Variants in GRIK1 observed in about 807,000 individuals in gnomAD.
GRIK1 encodes the protein glutamate receptor ionotropic, kainate 1.
A neutral mutation model predicts 105.7 loss-of-function variants in GRIK1; 69 were observed. The observed-to-expected ratio is 0.65, with a 90% CI of 0.54 to 0.80. The LOEUF is 0.80. Ranked by LOEUF, GRIK1 falls within the 30% of genes least tolerant of loss-of-function variation. The probability of loss-of-function intolerance (pLI) is 0.00; values close to 1 mark genes in which losing one functional copy is unlikely to be tolerated. For synonymous variants in GRIK1, 438 were observed against 431.3 expected (o/e 1.02, Z -0.19); for missense variants, 1,109 against 1,167.3 (o/e 0.95, Z 0.73).
intron 1 of GRIK1, among the ~76,000 whole-genome samples, chr21:29,697,614 GAGATGT>G (rs1028864552): frequency 2.0e-5 from 3 of 152,126 alleles, no homozygotes; most frequent in Non-Finnish European, 2.9e-5. Context: ...TAGAAAGCTG[GAGATGT>G]ACCAAAAAAG....
In GRIK1 at chr21:29,591,086, C is replaced by A. The variant is rs753846260; in HGVS notation, c.1365+26G>T. 203 of 1,219,916 alleles carry A rather than the reference C, an allele frequency of 1.7e-4. 14 individuals carry two copies. Among genetic ancestry groups the A allele is most frequent in the Middle Eastern group, 5.6e-4 (3 of 5,316 alleles). 75.6% of individuals were successfully genotyped at this position (1,219,916 alleles called of 1,614,324 possible). ...CTAAGGCAGGAGCCTGGATAAGACA[C>A]CCTCAATTCCATGAAGTCAACTTAC... On this transcript the variant is annotated intron_variant, in intron 10 of 17. Coordinates refer to ENST00000327783, the MANE Select transcript of GRIK1 (RefSeq NM_001330994.2).
intron 13 of GRIK1, among the ~76,000 whole-genome samples, chr21:29,579,224 CAATT>C (rs2090962432): frequency 6.6e-6 from 1 of 152,178 alleles, no homozygotes; most frequent in Non-Finnish European, 1.5e-5. Flanking sequence ...TAGATGGCAT[CAATT>C]AGACTTCTCA....
chr21:29,714,076 C>T (rs938757767), intron 1 of GRIK1, among the ~76,000 whole-genome samples: 2 of 152,126 alleles, frequency 1.3e-5, no homozygotes, highest in African/African-American at 4.8e-5. Flanking sequence ...CAGAGATTTT[C>T]CTAGAATATT....
chr21:29,895,304 C>A (rs916032438), intron 1 of GRIK1, among the ~76,000 whole-genome samples: 3 of 151,954 alleles, frequency 2.0e-5, no homozygotes, highest in Non-Finnish European at 2.9e-5. Context: ...AACGAACCTG[C>A]GGATCAAATG....
intron 7 of GRIK1, among the ~76,000 whole-genome samples, chr21:29,615,727 T>C (rs1430739005): frequency 6.6e-6 from 1 of 152,220 alleles, no homozygotes. Context: ...GATGCAAAAA[T>C]GATATACTTT....
At chr21:29,823,843 C>T (rs1414048587) in intron 1 of GRIK1, among the ~76,000 whole-genome samples, 3 of 151,836 alleles carry the variant, frequency 2.0e-5, no homozygotes, top group Non-Finnish European at 2.9e-5. Flanking sequence ...TTCAGCTCTC[C>T]CAAGCAGAAT....
At chr21:29,699,048 G>T (rs1324797472) in intron 1 of GRIK1, among the ~76,000 whole-genome samples, 1 of 152,146 alleles carries the variant, frequency 6.6e-6, no homozygotes. Flanking sequence ...AAATAATGCT[G>T]ATGCTAAACT....
At chr21:29,770,626 A>G (rs911497430) in intron 1 of GRIK1, among the ~76,000 whole-genome samples, 2 of 152,244 alleles carry the variant, frequency 1.3e-5, no homozygotes, top group Admixed American at 6.5e-5. Context: ...ACTCAAATAA[A>G]TCTAGTTTAC....
intron 1 of GRIK1, among the ~76,000 whole-genome samples, chr21:29,865,326 C>A (rs1227135991): frequency 2.0e-5 from 3 of 152,108 alleles, no homozygotes; most frequent in Non-Finnish European, 4.4e-5. Flanking sequence ...ATAAAAACAA[C>A]TTTTCTGGGC....
chr21:29,673,241 C>T lies in GRIK1; in HGVS notation c.545-77G>A, dbSNP rs1601421855. The T allele has an allele frequency of 6.6e-5, 63 of 950,258 alleles. No individual in the cohort carries two copies. In the South Asian group the frequency reaches 7.6e-4, roughly 11 times the overall value. The allele number at this position is 950,258 out of a possible 1,614,324, so 58.9% of individuals were successfully genotyped here. A position where few individuals can be genotyped will look rare whatever the true frequency, so the allele number is the denominator to read the frequency against. ...TTGTTTATTGCCATTTAGTTAAACTCGTTTCAACTCCAAAACATACCCAGT... is the reference window on the plus strand; with the variant it reads ...TTGTTTATTGCCATTTAGTTAAACTTGTTTCAACTCCAAAACATACCCAGT... On this transcript the variant is annotated intron_variant, in intron 3 of 17. Transcript: ENST00000327783.
chr21:29,706,957 C>T (rs1287520197), intron 1 of GRIK1, among the ~76,000 whole-genome samples: 7 of 152,102 alleles, frequency 4.6e-5, no homozygotes, highest in Non-Finnish European at 8.8e-5. Context: ...CTCCGCCTCC[C>T]GGGTTCACGC....
intron 11 of GRIK1, 145 bp from the exon 12 acceptor site, chr21:29,587,734 A>AG (rs1172798235): frequency 1.7e-6 from 1 of 604,204 alleles, no homozygotes; most frequent in Non-Finnish European, 2.9e-6. Context: ...TAATAAAAAA[A>AG]AGCCAATTTA....
chr21:29,593,940 A>G (rs914065100), intron 9 of GRIK1, among the ~76,000 whole-genome samples: 6 of 152,194 alleles, frequency 3.9e-5, no homozygotes, highest in African/African-American at 1.4e-4. Context: ...GCTGCTGCCA[A>G]TCCAATCAAC....
rs1009902680 is a variant in GRIK1 at position 29,607,187 on chromosome 21, T to C, written c.1099-8250A>G. 7.9e-5 allele frequency among the ~76,000 whole-genome samples: 12 copies of C among 152,278 alleles called. No individual in the cohort carries two copies. In the South Asian group the frequency reaches 1.0e-3, roughly 13 times the overall value. On this transcript the variant is annotated intron_variant, in intron 7 of 17. Transcript: ENST00000327783. ...TGGTGATCTATCAGCTAGATGCAGG[T>C]AATCTAACTCTTTGCAGGGTGAGAG...
At chr21:29,865,682 G>A (rs1480326270) in intron 1 of GRIK1, among the ~76,000 whole-genome samples, 1 of 152,214 alleles carries the variant, frequency 6.6e-6, no homozygotes, top group African/African-American at 2.4e-5. Flanking sequence ...AACAATAGAA[G>A]TTTTTGAATT....
chr21:29,544,146 G>A (rs2090013996), intron 16 of GRIK1, among the ~76,000 whole-genome samples: 2 of 152,128 alleles, frequency 1.3e-5, no homozygotes, highest in Admixed American at 1.3e-4. Context: ...ATATACCTAT[G>A]AGGGTCACAG....
intron 6 of GRIK1, among the ~76,000 whole-genome samples, chr21:29,647,533 C>T (rs11908807): frequency 0.11 from 16,125 of 152,020 alleles, 912 homozygotes; most frequent in African/African-American, 0.15. Flanking sequence ...AAGGCTCTGA[C>T]GTAAGTTTAT....
chr21:29,675,074 A>AATCCT (rs1452305639), intron 3 of GRIK1, among the ~76,000 whole-genome samples: 1 of 152,236 alleles, frequency 6.6e-6, no homozygotes, highest in Non-Finnish European at 1.5e-5. Flanking sequence ...TCTTTGAAAT[A>AATCCT]ATCCTATGAT....
chr21:29,927,299 C>G (rs920500532), intron 1 of GRIK1, among the ~76,000 whole-genome samples: 3 of 150,756 alleles, frequency 2.0e-5, no homozygotes, highest in Non-Finnish European at 4.4e-5. Flanking sequence ...ATATGTTGTA[C>G]TGTGTGTAAT....
Sources: gnomAD v4.1 joint callset for allele counts (sites outside exome capture counted in the v4.1 genomes callset) on GRCh38, gnomAD v4.1.1 for gene constraint, MANE v1.5 for transcripts, NCBI Gene and HGNC (gene_info 2026-07-23, HGNC 2026-07-21) for gene names.